ZDHHC20: variants seen among roughly 807,000 people sequenced by gnomAD.
ZDHHC20 encodes the protein zDHHC palmitoyltransferase 20.
A neutral mutation model predicts 57.8 loss-of-function variants in ZDHHC20; 43 were observed. The observed-to-expected ratio is 0.74, with a 90% CI of 0.58 to 0.96. ZDHHC20 has a LOEUF of 0.96. ZDHHC20 is among the 40% of genes least tolerant of loss of function. ZDHHC20 has a pLI of 0.00. For missense variants in ZDHHC20, 391 were observed against 441.1 expected, an observed-to-expected ratio of 0.89 and a Z score of 1.02; for synonymous variants, 157 against 153.0, an observed-to-expected ratio of 1.03 and a Z score of -0.19.
chr13:21,458,091 T>A (rs547584485), intron 1 of ZDHHC20, among the ~76,000 whole-genome samples: 8 of 152,332 alleles, frequency 5.3e-5, no homozygotes, highest in African/African-American at 1.9e-4. Context: ...ACAATTTACT[T>A]AAGACAAAAC....
chr13:21,386,786 T>G (rs1874589438), intron 9 of ZDHHC20, among the ~76,000 whole-genome samples: 1 of 152,174 alleles, frequency 6.6e-6, no homozygotes, highest in East Asian at 1.9e-4. Flanking sequence ...TGGCCCCAAG[T>G]GATTCACCTG....
At chr13:21,414,493 TG>T (rs1238943021) in intron 3 of ZDHHC20, among the ~76,000 whole-genome samples, 1 of 150,274 alleles carries the variant, frequency 6.7e-6, no homozygotes, top group African/African-American at 2.4e-5. Flanking sequence ...CCCGAGTAGC[TG>T]GGACTACAGG....
At chr13:21,441,352 G>C (rs188424724) in intron 1 of ZDHHC20, among the ~76,000 whole-genome samples, 1 of 150,648 alleles carries the variant, frequency 6.6e-6, no homozygotes, top group African/African-American at 2.4e-5. Context: ...GATGTTACCA[G>C]ATATGGATAG....
chr13:21,393,992 A>C (rs1402919752), intron 7 of ZDHHC20, among the ~76,000 whole-genome samples: 1 of 152,252 alleles, frequency 6.6e-6, no homozygotes, highest in African/African-American at 2.4e-5. Context: ...ACCTTATTCC[A>C]GCCGGGATGC....
intron 1 of ZDHHC20, among the ~76,000 whole-genome samples, chr13:21,434,186 T>G (rs975301272): frequency 6.6e-6 from 1 of 152,190 alleles, no homozygotes; most frequent in African/African-American, 2.4e-5. Context: ...TATTTCCAAT[T>G]AAAATTAAAG....
chr13:21,413,915 C>T (rs892796657), intron 3 of ZDHHC20, 143 bp from the exon 4 acceptor site: 5 of 572,588 alleles, frequency 8.7e-6, no homozygotes, highest in African/African-American at 2.0e-5. Flanking sequence ...GCAGATAAAT[C>T]AAGTACATTT....
intron 1 of ZDHHC20, among the ~76,000 whole-genome samples, chr13:21,432,474 C>T (rs962947160): frequency 5.3e-5 from 8 of 152,072 alleles, no homozygotes; most frequent in Non-Finnish European, 8.8e-5. Flanking sequence ...GGACTGCAGG[C>T]GCCCACCACC....
At chr13:21,400,773 C>T (rs1877512775) in intron 6 of ZDHHC20, among the ~76,000 whole-genome samples, 1 of 151,824 alleles carries the variant, frequency 6.6e-6, no homozygotes, top group Non-Finnish European at 1.5e-5. Flanking sequence ...TGCAGTGGCA[C>T]AATCTCGGCT....
At chr13:21,395,367 A>G (rs1442094493) in intron 7 of ZDHHC20, among the ~76,000 whole-genome samples, 1 of 147,844 alleles carries the variant, frequency 6.8e-6, no homozygotes, top group Non-Finnish European at 1.5e-5. Flanking sequence ...CGCCCGGCCT[A>G]AATTCTTCCT....
intron 1 of ZDHHC20, among the ~76,000 whole-genome samples, chr13:21,455,977 T>G (rs1884892837): frequency 6.6e-6 from 1 of 152,208 alleles, no homozygotes; most frequent in African/African-American, 2.4e-5. Context: ...CCATGCTACT[T>G]ACTGGCTCTA....
chr13:21,383,087 G>C, intron 9 of ZDHHC20, 78 bp from the exon 10 acceptor site: 1 of 1,265,318 alleles, frequency 7.9e-7, no homozygotes, highest in Non-Finnish European at 1.1e-6. Flanking sequence ...TCATTTTTCA[G>C]AGACATGGCA....
At chr13:21,403,618 G>A (rs1404505565) in intron 4 of ZDHHC20, among the ~76,000 whole-genome samples, 2 of 152,182 alleles carry the variant, frequency 1.3e-5, no homozygotes, top group African/African-American at 4.8e-5. Flanking sequence ...AAAGATGTGA[G>A]AAAAATGAAA....
At chr13:21,441,424 C>T (rs1350011116) in intron 1 of ZDHHC20, among the ~76,000 whole-genome samples, 9 of 149,402 alleles carry the variant, frequency 6.0e-5, no homozygotes, top group Admixed American at 1.3e-4. Context: ...CTAGCACTGT[C>T]GCCCAGGCTG....
At chr13:21,399,760 TATA>T (rs1465123722) in intron 7 of ZDHHC20, among the ~76,000 whole-genome samples, 1 of 152,176 alleles carries the variant, frequency 6.6e-6, no homozygotes, top group East Asian at 1.9e-4. Context: ...GGCAGCATAC[TATA>T]TGCATTCTTC....
intron 2 of ZDHHC20, among the ~76,000 whole-genome samples, chr13:21,425,214 T>A (rs1392877318): frequency 2.0e-5 from 3 of 152,188 alleles, no homozygotes; most frequent in African/African-American, 7.2e-5. Context: ...TCTGGTTATT[T>A]TCTTAAATAT....
intron 7 of ZDHHC20, among the ~76,000 whole-genome samples, chr13:21,398,388 C>T (rs111702013): frequency 0.022 from 3,331 of 151,414 alleles, 112 homozygotes; most frequent in African/African-American, 0.077. Flanking sequence ...GGCATGAACC[C>T]GGGAGGCGGA....
chr13:21,451,711 C>T (rs1008722486), intron 1 of ZDHHC20, among the ~76,000 whole-genome samples: 15 of 152,006 alleles, frequency 9.9e-5, no homozygotes, highest in African/African-American at 2.7e-4. Context: ...ACTTATTGGC[C>T]GGGCACGGTG....
intron 4 of ZDHHC20, among the ~76,000 whole-genome samples, chr13:21,410,599 T>A (rs776200446): frequency 6.6e-6 from 1 of 152,220 alleles, no homozygotes; most frequent in Non-Finnish European, 1.5e-5. Context: ...CTACAGTGCC[T>A]TTGCAGAGCT....
chr13:21,447,739 G>A (rs9580123), intron 1 of ZDHHC20, among the ~76,000 whole-genome samples: 3,049 of 96,062 alleles, frequency 0.032, 217 homozygotes, highest in African/African-American at 0.1. Flanking sequence ...CTGCCTGGCC[G>A]CCCATCGTCT....
Sources: allele counts gnomAD v4.1 joint callset (sites outside exome capture counted in the v4.1 genomes callset), GRCh38; gene constraint gnomAD v4.1.1; transcripts MANE v1.5; gene names NCBI Gene and HGNC (gene_info 2026-07-23, HGNC 2026-07-21).